Variants in KCNH7 observed in about 807,000 individuals in gnomAD.
KCNH7 encodes the protein potassium voltage-gated channel subfamily H member 7, also known as voltage-gated inwardly rectifying potassium channel KCNH7.
KCNH7 carries 49 observed loss-of-function variants against 120.8 expected under a neutral mutation model. That is an observed-to-expected ratio of 0.41 (90% CI 0.32 to 0.51). KCNH7 has a LOEUF of 0.51. Ranked by LOEUF, KCNH7 falls within the 20% of genes least tolerant of loss-of-function variation. KCNH7 has a pLI of 0.38. For missense variants in KCNH7, 1,097 were observed against 1,446.6 expected (o/e 0.76, Z 3.92); for synonymous variants, 547 against 516.1 (o/e 1.06, Z -0.81).
At chr2:162,807,871 C>T (rs991609654) in intron 2 of KCNH7, among the ~76,000 whole-genome samples, 22 of 151,982 alleles carry the variant, frequency 1.4e-4, no homozygotes, top group Admixed American at 1.2e-3. Flanking sequence ...TTAGTAGAGA[C>T]GGGTGTTTCA....
At chr2:162,567,331 T>C (rs1693290795) in intron 2 of KCNH7, among the ~76,000 whole-genome samples, 2 of 151,940 alleles carry the variant, frequency 1.3e-5, no homozygotes, top group South Asian at 4.1e-4. Context: ...AAAATAACAG[T>C]CCAAAAGCCA....
intron 2 of KCNH7, among the ~76,000 whole-genome samples, chr2:162,683,156 G>A (rs947166629): frequency 4.0e-5 from 6 of 151,710 alleles, no homozygotes; most frequent in Non-Finnish European, 7.4e-5. Context: ...GGCATGAGAA[G>A]GTGATGATGT....
At chr2:162,828,596 G>A (rs754397376) in intron 2 of KCNH7, among the ~76,000 whole-genome samples, 41 of 151,988 alleles carry the variant, frequency 2.7e-4, no homozygotes, top group Non-Finnish European at 5.7e-4. Context: ...AAAAAAGAGA[G>A]AAGGAACAAA....
chr2:162,513,755 G>A (rs545107706), intron 4 of KCNH7, among the ~76,000 whole-genome samples: 1 of 151,684 alleles, frequency 6.6e-6, no homozygotes, highest in African/African-American at 2.4e-5. Context: ...AACTCAAAGA[G>A]TCATTCTTAG....
chr2:162,740,330 A>G (rs1270607842), intron 2 of KCNH7, among the ~76,000 whole-genome samples: 1 of 152,226 alleles, frequency 6.6e-6, no homozygotes, highest in African/African-American at 2.4e-5. Context: ...CAGCTAATAA[A>G]GCAGGTATTG....
intron 2 of KCNH7, among the ~76,000 whole-genome samples, chr2:162,799,327 A>T: frequency 6.6e-6 from 1 of 151,936 alleles, no homozygotes; most frequent in African/African-American, 2.4e-5. Context: ...TATTTAATTT[A>T]AATTTCTTCT....
At chr2:162,523,860 C>G (rs1691612426) in intron 3 of KCNH7, among the ~76,000 whole-genome samples, 1 of 151,776 alleles carries the variant, frequency 6.6e-6, no homozygotes, top group African/African-American at 2.4e-5. Context: ...TGCAAAAACC[C>G]AATTAAATAT....
chr2:162,673,714 A>G (rs1259162276), intron 2 of KCNH7, among the ~76,000 whole-genome samples: 2 of 152,114 alleles, frequency 1.3e-5, no homozygotes, highest in African/African-American at 4.8e-5. Context: ...AACATGAGGA[A>G]TAAATGAGTG....
At chr2:162,582,222 T>C (rs1408851924) in intron 2 of KCNH7, among the ~76,000 whole-genome samples, 1 of 152,102 alleles carries the variant, frequency 6.6e-6, no homozygotes, top group Non-Finnish European at 1.5e-5. Flanking sequence ...TGGGTGATGT[T>C]AAGCTGAGAT....
At chr2:162,826,262 A>G (rs752902773) in intron 2 of KCNH7, among the ~76,000 whole-genome samples, 2 of 152,128 alleles carry the variant, frequency 1.3e-5, no homozygotes, top group African/African-American at 2.4e-5. Context: ...TGTCATGTGT[A>G]TTTAACTGAG....
At chr2:162,717,250 C>T (rs1449917540) in intron 2 of KCNH7, among the ~76,000 whole-genome samples, 1 of 152,104 alleles carries the variant, frequency 6.6e-6, no homozygotes, top group East Asian at 1.9e-4. Context: ...AAGTGCCATG[C>T]ATGTTATTTA....
chr2:162,645,661 T>C (rs1325759754), intron 2 of KCNH7, among the ~76,000 whole-genome samples: 1 of 152,178 alleles, frequency 6.6e-6, no homozygotes, highest in Non-Finnish European at 1.5e-5. Context: ...TGTGTATTTC[T>C]CCCCTACTTT....
intron 2 of KCNH7, among the ~76,000 whole-genome samples, chr2:162,679,986 A>G (rs904655045): frequency 1.3e-5 from 2 of 151,856 alleles, no homozygotes; most frequent in African/African-American, 4.8e-5. Context: ...TGCAGAAACT[A>G]AATCAATAAA....
At position 162,798,356 on chromosome 2, in the gene KCNH7, C is replaced by T. The variant is rs141590744; in HGVS notation, c.307+38181G>A. Among the ~76,000 whole-genome samples, 7 of 152,090 alleles carry T rather than the reference C, an allele frequency of 4.6e-5. No homozygotes were observed. The East Asian group carries it at 1.4e-3, about 29-fold the overall frequency. On this transcript the variant is annotated intron_variant, in intron 2 of 15. Coordinates refer to ENST00000332142, the MANE Select transcript of KCNH7 (RefSeq NM_033272.4). ...AAAAATTCATATAAGAAAATATTTG[C>T]CACATCTTTGACCTACATTACAACT...
At chr2:162,653,315 T>C (rs1684632296) in intron 2 of KCNH7, among the ~76,000 whole-genome samples, 1 of 152,200 alleles carries the variant, frequency 6.6e-6, no homozygotes, top group African/African-American at 2.4e-5. Flanking sequence ...GTTGTCTTGT[T>C]TGCAAAGGAC....
chr2:162,572,010 C>T (rs1321860580), intron 2 of KCNH7, among the ~76,000 whole-genome samples: 4 of 151,344 alleles, frequency 2.6e-5, no homozygotes, highest in Non-Finnish European at 5.9e-5. Flanking sequence ...TCTAAAACAC[C>T]AAAAGCAATG....
At chr2:162,570,330 T>C (rs912914183) in intron 2 of KCNH7, among the ~76,000 whole-genome samples, 24 of 151,998 alleles carry the variant, frequency 1.6e-4, no homozygotes, top group Middle Eastern at 3.4e-3. Flanking sequence ...AAAGTCTGTT[T>C]TATCAGAGAC....
intron 2 of KCNH7, among the ~76,000 whole-genome samples, chr2:162,749,918 A>G (rs1443650641): frequency 6.6e-6 from 1 of 152,204 alleles, no homozygotes; most frequent in African/African-American, 2.4e-5. Flanking sequence ...ATTCTATAAT[A>G]GAAATAGGTA....
rs531563721 is a variant in KCNH7 at position 162,586,373 on chromosome 2, C to T, written c.308-49293G>A. The stretch of plus-strand genomic sequence containing the variant: ...TGAAAAACCTTAGGACAATGAACCA[C>T]GTGGGGAGAAAGGCCCAGGCTCCCT... On this transcript the variant is annotated intron_variant, in intron 2 of 15. Coordinates refer to ENST00000332142, the MANE Select transcript of KCNH7 (RefSeq NM_033272.4). Among the ~76,000 whole-genome samples the T allele has an allele frequency of 1.3e-3, 191 of 152,120 alleles. 1 individual carries two copies. The highest frequency in any genetic ancestry group is 4.5e-3 in the African/African-American group (186 of 41,526).
Sources: allele counts gnomAD v4.1 joint callset (sites outside exome capture counted in the v4.1 genomes callset), GRCh38; gene constraint gnomAD v4.1.1; transcripts MANE v1.5; gene names NCBI Gene and HGNC (gene_info 2026-07-23, HGNC 2026-07-21).